CIBAR1: variants seen among roughly 807,000 people sequenced by gnomAD.
CIBAR1 encodes the protein CBY1-interacting BAR domain-containing protein 1.
CIBAR1 carries 25 observed loss-of-function variants against 44.0 expected under a neutral mutation model. The ratio of observed to expected loss-of-function variants is 0.57; its 90% CI spans 0.41 to 0.79. The LOEUF (loss-of-function observed/expected upper bound fraction) is 0.79, where lower values mean the gene tolerates loss of function less well. CIBAR1 is among the 30% of genes least tolerant of loss of function. CIBAR1 has a pLI of 0.00. For missense variants in CIBAR1, 278 were observed against 344.8 expected, an observed-to-expected ratio of 0.81 and a Z score of 1.53; for synonymous variants, 115 against 119.0, an observed-to-expected ratio of 0.97 and a Z score of 0.22.
chr8:93,711,180 A>G (rs1810809821), intron 6 of CIBAR1, among the ~76,000 whole-genome samples: 1 of 152,118 alleles, frequency 6.6e-6, no homozygotes, highest in Non-Finnish European at 1.5e-5. Context: ...CACTTGAAGG[A>G]CCTCTTATGA....
chr8:93,719,101 T>C (rs910984676), intron 7 of CIBAR1, among the ~76,000 whole-genome samples: 3 of 152,120 alleles, frequency 2.0e-5, no homozygotes, highest in African/African-American at 4.8e-5. Flanking sequence ...TGATCTCAAG[T>C]GATACGCCCA....
chr8:93,727,173 G>C, intron 8 of CIBAR1: 1 of 1,289,184 alleles, frequency 7.8e-7, no homozygotes, highest in Non-Finnish European at 1.0e-6. Flanking sequence ...GATCTAGAGA[G>C]CTATGCCCTT....
At chr8:93,703,738 T>G (rs1206175545) in intron 3 of CIBAR1, 50 bp downstream of exon 3, 2 of 1,381,058 alleles carry the variant, frequency 1.4e-6, no homozygotes, top group Non-Finnish European at 9.9e-7. Flanking sequence ...TGGCAAAGAC[T>G]ATGAGGTTTC....
intron 6 of CIBAR1, among the ~76,000 whole-genome samples, chr8:93,712,793 A>G (rs371136364): frequency 2.1e-5 from 3 of 142,650 alleles, no homozygotes; most frequent in Non-Finnish European, 4.5e-5. Context: ...TTTGACTTAC[A>G]TTCCATGATG....
intron 7 of CIBAR1, chr8:93,724,562 G>A: frequency 7.9e-7 from 1 of 1,271,142 alleles, no homozygotes; most frequent in Non-Finnish European, 1.0e-6. Flanking sequence ...TGGGGCTCAA[G>A]CGATCCGCCT....
intron 5 of CIBAR1, among the ~76,000 whole-genome samples, chr8:93,708,864 C>T (rs1010198578): frequency 6.6e-6 from 1 of 152,214 alleles, no homozygotes; most frequent in Non-Finnish European, 1.5e-5. Context: ...TTTCAAAAAT[C>T]AAACTCTCAG....
intron 2 of CIBAR1, chr8:93,702,658 G>T: frequency 6.9e-6 from 2 of 290,622 alleles, no homozygotes; most frequent in South Asian, 3.2e-5. Flanking sequence ...CATGATTTTA[G>T]GATTCCTAAT....
intron 7 of CIBAR1, among the ~76,000 whole-genome samples, chr8:93,723,398 T>C (rs994574733): frequency 1.3e-5 from 2 of 152,160 alleles, no homozygotes; most frequent in South Asian, 4.1e-4. Flanking sequence ...TTAGCACCCC[T>C]GAATTACTTT....
intron 4 of CIBAR1, chr8:93,705,261 A>G: frequency 2.4e-6 from 1 of 422,054 alleles, no homozygotes; most frequent in Non-Finnish European, 4.2e-6. Flanking sequence ...ATGTTTTTAT[A>G]AACAGTAAAT....
intron 4 of CIBAR1, chr8:93,705,415 C>T (rs993558717): frequency 1.7e-5 from 3 of 177,250 alleles, no homozygotes; most frequent in African/African-American, 2.3e-5. Context: ...TAATTTCCTT[C>T]ATCTTTTAGA....
At chr8:93,712,991 A>G (rs1232461871) in intron 6 of CIBAR1, among the ~76,000 whole-genome samples, 1 of 146,792 alleles carries the variant, frequency 6.8e-6, no homozygotes, top group Non-Finnish European at 1.5e-5. Flanking sequence ...CCTTGAACAA[A>G]TGGCTATTGA....
intron 1 of CIBAR1, 141 bp downstream of exon 1, chr8:93,700,814 G>T: frequency 1.5e-6 from 2 of 1,331,528 alleles, no homozygotes; most frequent in South Asian, 2.3e-5. Flanking sequence ...GTGACCTGGG[G>T]CCTAATTCCT....
chr8:93,724,928 G>A (rs1366119691), intron 7 of CIBAR1, among the ~76,000 whole-genome samples: 1 of 152,172 alleles, frequency 6.6e-6, no homozygotes, highest in Non-Finnish European at 1.5e-5. Flanking sequence ...GGGTATGCTT[G>A]TCAGGGGATT....
At position 93,729,667 on chromosome 8, in the gene CIBAR1, G is replaced by T. The variant is rs529136933; in HGVS notation, c.*1370G>T. ...ATTTTCATTATTTAGACCAGCCTAGGTTGGCAAACTTCTTAAAGGGCCAGA... is the reference window on the plus strand; with the variant it reads ...ATTTTCATTATTTAGACCAGCCTAGTTTGGCAAACTTCTTAAAGGGCCAGA... On this transcript the variant is annotated 3_prime_UTR_variant, in exon 9 of 9. Transcript: ENST00000518322. 1.3e-5 allele frequency: 2 copies of T among 152,268 alleles called. No individual in the cohort carries two copies. The highest frequency in any genetic ancestry group is 4.1e-4 in the South Asian group (2 of 4,822). The allele number at this position is 152,268 out of a possible 1,614,324, so 9.4% of individuals were successfully genotyped here.
At chr8:93,704,742 A>G (rs538907381) in intron 3 of CIBAR1, among the ~76,000 whole-genome samples, 167 bp from the exon 4 acceptor site, 24 of 152,222 alleles carry the variant, frequency 1.6e-4, no homozygotes, top group Admixed American at 2.0e-4. Context: ...TCTCACATAC[A>G]TAGACACTAA....
intron 6 of CIBAR1, among the ~76,000 whole-genome samples, chr8:93,713,645 A>T (rs557769733): frequency 1.5e-4 from 23 of 152,208 alleles, no homozygotes; most frequent in African/African-American, 5.5e-4. Context: ...ATCCATTTGA[A>T]TTAATTTTTA....
chr8:93,714,233 G>A (rs1365832900), intron 6 of CIBAR1, among the ~76,000 whole-genome samples: 1 of 152,026 alleles, frequency 6.6e-6, no homozygotes, highest in Non-Finnish European at 1.5e-5. Context: ...TATCGTAAAT[G>A]GATTTGTTTT....
chr8:93,701,489 T>C, intron 2 of CIBAR1, 31 bp downstream of exon 2: 4 of 1,580,862 alleles, frequency 2.5e-6, no homozygotes, highest in Non-Finnish European at 3.5e-6. Context: ...GTCATTGTTA[T>C]GAATGAGCCA....
rs1250447619 is a variant in CIBAR1 at position 93,703,636 on chromosome 8, C to T, written c.278C>T (p.Ala93Val). Residue 93 changes from alanine (A) to valine (V), a missense_variant, in exon 3 of 9, where the codon GCC becomes GTC. Ala to Val is a moderately conservative substitution (Grantham distance 64, BLOSUM62 0). Around this residue, in one of 3 missense-constraint regions of CIBAR1, gnomAD observed 183 missense variants for 218.6 expected, o/e 0.84. Coordinates refer to ENST00000518322, the MANE Select transcript of CIBAR1 (RefSeq NM_145269.5). Reference protein sequence around the residue: ...YRQAEVERLEAKVVEPLKTYG... With the variant: ...YRQAEVERLEVKVVEPLKTYG... ...TTTCAATAGGTTGAAAGACTTGAAGCCAAAGTAGTTGAACCCTTGAAAACT... is the reference window on the plus strand; with the variant it reads ...TTTCAATAGGTTGAAAGACTTGAAGTCAAAGTAGTTGAACCCTTGAAAACT... 6.5e-7 allele frequency: 1 copy of T among 1,546,558 alleles called. No homozygotes were observed.
Sources: allele counts gnomAD v4.1 joint callset (sites outside exome capture counted in the v4.1 genomes callset), GRCh38; gene constraint gnomAD v4.1.1; regional missense constraint gnomAD v4.1.1; transcripts MANE v1.5; gene names NCBI Gene and HGNC (gene_info 2026-07-23, HGNC 2026-07-21).